The following CACNA2D4 variants were observed in gnomAD, a reference collection of about 807,000 sequenced individuals.
CACNA2D4 encodes voltage-dependent calcium channel subunit alpha-2/delta-4.
Under a neutral mutation model 163.8 loss-of-function variants are expected in CACNA2D4, and 157 were observed. That is an observed-to-expected ratio of 0.96 (90% CI 0.84 to 1.09). The LOEUF is 1.09. Among genes scored for constraint, CACNA2D4 ranks in the 50% least tolerant of loss-of-function variants. The pLI is 0.00. For synonymous variants in CACNA2D4, 598 were observed against 586.9 expected, an observed-to-expected ratio of 1.02 and a Z score of -0.27; for missense variants, 1,410 against 1,479.9, an observed-to-expected ratio of 0.95 and a Z score of 0.78.
chr12:1,816,502 C>G (rs1403002967), intron 26 of CACNA2D4, among the ~76,000 whole-genome samples: 1 of 152,090 alleles, frequency 6.6e-6, no homozygotes, highest in Non-Finnish European at 1.5e-5. Context: ...TGTCCTCCCT[C>G]TCTGGGCTGT....
chr12:1,820,059 C>T lies in CACNA2D4; in HGVS notation c.2552-8336G>A, dbSNP rs1289366541. Among the ~76,000 whole-genome samples, 4 of 152,194 alleles carry T rather than the reference C, an allele frequency of 2.6e-5. No individual in the cohort carries two copies. Among genetic ancestry groups the T allele is most frequent in the East Asian group, 1.9e-4 (1 of 5,192 alleles). On this transcript the variant is annotated intron_variant, in intron 26 of 37. Coordinates refer to ENST00000382722, the MANE Select transcript of CACNA2D4 (RefSeq NM_172364.5). The surrounding 1 kb of genome is among the most constrained non-coding windows in gnomAD (Gnocchi z 6.0). ...CTTTCGTATGACCGAGAGAAGGGTT[C>T]GGTTTTTCCTTCTCTCAGGCAGGAT...
At chr12:1,822,344 G>T (rs1864138905) in intron 26 of CACNA2D4, among the ~76,000 whole-genome samples, 1 of 152,100 alleles carries the variant, frequency 6.6e-6, no homozygotes, top group African/African-American at 2.4e-5. Context: ...GTGTCTGGGA[G>T]TTCTGGGGGT....
In CACNA2D4 at chr12:1,829,446, C is replaced by T. The variant is rs1322985542; in HGVS notation, c.2551+11293G>A. On this transcript the variant is annotated intron_variant, in intron 26 of 37. Transcript: ENST00000382722. The surrounding 1 kb of genome is among the most constrained non-coding windows in gnomAD (Gnocchi z 4.2). ...AACCCAAGATGGCCAGAAAAAGGGT[C>T]TCCGGTGGCTTCCATGGCTGTACCT... Among the ~76,000 whole-genome samples, 4 of 151,992 alleles carry T rather than the reference C, an allele frequency of 2.6e-5. No homozygotes were observed. Among genetic ancestry groups the T allele is most frequent in the Admixed American group, 1.3e-4 (2 of 15,276 alleles).
At chr12:1,913,260 T>A in intron 2 of CACNA2D4, 121 bp from the exon 3 acceptor site, 1 of 715,248 alleles carries the variant, frequency 1.4e-6, no homozygotes, top group Non-Finnish European at 2.5e-6. Context: ...CCTGGTTTAC[T>A]CAACTAGGGT....
At chr12:1,890,775 GC>G (rs1866261937) in intron 6 of CACNA2D4, among the ~76,000 whole-genome samples, 1 of 152,168 alleles carries the variant, frequency 6.6e-6, no homozygotes, top group African/African-American at 2.4e-5. Flanking sequence ...CCCATCCAGT[GC>G]CAGTATCCTG....
At position 1,806,194 on chromosome 12, in the gene CACNA2D4, G is replaced by A. The variant is rs1459851918; in HGVS notation, c.2721+4084C>T. On this transcript the variant is annotated intron_variant, in intron 29 of 37. Coordinates refer to ENST00000382722, the MANE Select transcript of CACNA2D4 (RefSeq NM_172364.5). This position sits in a 1 kb window ranked among gnomAD's most constrained non-coding sequence, Gnocchi z 4.1. ...CCAGAAGCAAATGACAGGAATCGGA[G>A]TCCCCAGATTCAGGGTGACAGATCC... Among the ~76,000 whole-genome samples, 2 of 152,188 alleles carry A rather than the reference G, an allele frequency of 1.3e-5. No individual in the cohort carries two copies. The highest frequency in any genetic ancestry group is 6.5e-5 in the Admixed American group (1 of 15,274).
intron 1 of CACNA2D4, among the ~76,000 whole-genome samples, chr12:1,916,830 G>A (rs974770823): frequency 5.3e-5 from 8 of 152,090 alleles, no homozygotes; most frequent in East Asian, 1.9e-4. Context: ...GAGGTTCGGC[G>A]GGAGTGAGGA....
chr12:1,844,366 C>T lies in CACNA2D4; in HGVS notation c.2470+36G>A. 1 of 1,608,596 alleles carries T rather than the reference C, an allele frequency of 6.2e-7. No individual in the cohort carries two copies. Among genetic ancestry groups the T allele is most frequent in the Non-Finnish European group, 8.5e-7 (1 of 1,177,146 alleles). On this transcript the variant is annotated intron_variant, in intron 25 of 37. Transcript: ENST00000382722. The surrounding 1 kb of genome is among the most constrained non-coding windows in gnomAD (Gnocchi z 4.2). ...GAGGAGAGATGAGACTGGCCTGAGACTGGCCCAGCCCCGGGAGCACCGGGC... is the reference window on the plus strand; with the variant it reads ...GAGGAGAGATGAGACTGGCCTGAGATTGGCCCAGCCCCGGGAGCACCGGGC...
intron 18 of CACNA2D4, among the ~76,000 whole-genome samples, chr12:1,864,732 G>T (rs562687073): frequency 6.6e-6 from 1 of 152,350 alleles, no homozygotes; most frequent in African/African-American, 2.4e-5. Flanking sequence ...CACCTTGAAA[G>T]CCTGGCCCCA....
At chr12:1,918,208 T>C (rs984829437) in intron 1 of CACNA2D4, 39 bp downstream of exon 1, 5 of 1,466,796 alleles carry the variant, frequency 3.4e-6, no homozygotes, top group Non-Finnish European at 4.7e-6. Context: ...TGGGAAAGGG[T>C]GACCGGGTTT....
intron 26 of CACNA2D4, among the ~76,000 whole-genome samples, chr12:1,826,403 C>A (rs1376734501): frequency 3.8e-5 from 1 of 26,068 alleles, no homozygotes; most frequent in African/African-American, 1.7e-4. Context: ...ACCCAGAGCC[C>A]CCCCCCCCCC....
At chr12:1,864,620 G>A (rs142580266) in intron 18 of CACNA2D4, among the ~76,000 whole-genome samples, 8 of 152,228 alleles carry the variant, frequency 5.3e-5, no homozygotes, top group Non-Finnish European at 1.2e-4. Flanking sequence ...CGATGAGAAC[G>A]AGGAGGCCCA....
At chr12:1,912,051 C>T (rs1253913110) in intron 3 of CACNA2D4, among the ~76,000 whole-genome samples, 1 of 152,170 alleles carries the variant, frequency 6.6e-6, no homozygotes, top group Non-Finnish European at 1.5e-5. Flanking sequence ...CCCAGCAACC[C>T]TGACCCCGGC....
At chr12:1,837,112 C>T (rs1446113882) in intron 26 of CACNA2D4, among the ~76,000 whole-genome samples, 2 of 152,210 alleles carry the variant, frequency 1.3e-5, no homozygotes, top group South Asian at 2.1e-4. Flanking sequence ...CGCCATGGCC[C>T]GTGCCCTGTG....
intron 18 of CACNA2D4, among the ~76,000 whole-genome samples, chr12:1,860,451 C>T (rs1865499500): frequency 6.6e-6 from 1 of 152,270 alleles, no homozygotes; most frequent in African/African-American, 2.4e-5. Flanking sequence ...TGGACCTGCA[C>T]TGCCCATCAC....
chr12:1,865,580 G>A (rs1366054209), intron 18 of CACNA2D4, among the ~76,000 whole-genome samples: 5 of 152,252 alleles, frequency 3.3e-5, no homozygotes. Context: ...AGAAGGCAGC[G>A]AAGCTGGCCA....
intron 11 of CACNA2D4, 106 bp from the exon 12 acceptor site, chr12:1,884,427 T>A: frequency 1.1e-6 from 1 of 909,748 alleles, no homozygotes; most frequent in South Asian, 1.5e-5. Context: ...CCTCTCAGTC[T>A]TCGGGTTCTC....
Position 1,886,316 on chromosome 12 carries a change from G to A in CACNA2D4, c.900C>T (p.Gly300=), listed in dbSNP as rs766193099. ...KDIVILVDVS[G]SMKGLRMTIA... ...TAGTCATCCTCAGCCCCTTCATACT[G>A]CCGCTCACGTCCACCAAAATCACTA... The change falls in exon 8 of 38, where the codon GGC becomes GGT. Residue 300 remains glycine, a synonymous_variant. Coordinates refer to ENST00000382722, the MANE Select transcript of CACNA2D4 (RefSeq NM_172364.5). 6.2e-7 allele frequency: 1 copy of A among 1,613,792 alleles called. No homozygotes were observed. The highest frequency in any genetic ancestry group is 8.5e-7 in the Non-Finnish European group (1 of 1,179,734).
At chr12:1,825,285 C>T (rs564766092) in intron 26 of CACNA2D4, among the ~76,000 whole-genome samples, 1 of 152,296 alleles carries the variant, frequency 6.6e-6, no homozygotes, top group South Asian at 2.1e-4. Context: ...CCAGGGGAGG[C>T]AGAAGCCTTA....
Sources: allele counts gnomAD v4.1 joint callset (sites outside exome capture counted in the v4.1 genomes callset), GRCh38; gene constraint gnomAD v4.1.1; non-coding constraint Gnocchi (gnomAD v3.1); transcripts MANE v1.5; gene names NCBI Gene and HGNC (gene_info 2026-07-23, HGNC 2026-07-21).